RGS12: variants seen among roughly 807,000 people sequenced by gnomAD.
RGS12 encodes the protein regulator of G protein signaling 12.
RGS12 carries 66 observed loss-of-function variants against 120.1 expected under a neutral mutation model. That is an observed-to-expected ratio of 0.55 (90% CI 0.45 to 0.67). The LOEUF is 0.67. Ranked by LOEUF, RGS12 falls within the 30% of genes least tolerant of loss-of-function variation. The probability of loss-of-function intolerance (pLI) is 0.00; values close to 1 mark genes in which losing one functional copy is unlikely to be tolerated. For synonymous variants in RGS12, 827 were observed against 804.7 expected, an observed-to-expected ratio of 1.03 and a Z score of -0.47; for missense variants, 1,859 against 1,957.7, an observed-to-expected ratio of 0.95 and a Z score of 0.95.
chr4:3,349,673 T>C (rs74528761), intron 3 of RGS12, among the ~76,000 whole-genome samples: 1,982 of 152,308 alleles, frequency 0.013, 9 homozygotes, highest in Non-Finnish European at 0.019. Context: ...TTAGTAACTG[T>C]AATTTTTAGT....
intron 2 of RGS12, among the ~76,000 whole-genome samples, chr4:3,337,375 C>G (rs1287717150): frequency 2.0e-5 from 3 of 152,154 alleles, no homozygotes; most frequent in Non-Finnish European, 4.4e-5. Flanking sequence ...CGTATATACC[C>G]AAAGAATTGA....
In RGS12 at chr4:3,433,506, G is replaced by A. The variant is rs966283669; in HGVS notation, c.4114+2551G>A. On this transcript the variant is annotated intron_variant, in intron 17 of 17. Transcript: ENST00000336727. The surrounding 1 kb of genome is among the most constrained non-coding windows in gnomAD (Gnocchi z 4.4). Reference sequence around the variant, plus strand: ...CACCCCATCCTAGCCCCAGCACCACGTGCCATGCCACCCTGTCCTAGCCCC... The same window carrying A: ...CACCCCATCCTAGCCCCAGCACCACATGCCATGCCACCCTGTCCTAGCCCC... Among the ~76,000 whole-genome samples the A allele has an allele frequency of 2.0e-5, 3 of 150,674 alleles. No homozygotes were observed. Among genetic ancestry groups the A allele is most frequent in the East Asian group, 2.0e-4 (1 of 5,086 alleles).
chr4:3,413,928 G>T, intron 4 of RGS12, 144 bp from the exon 5 acceptor site: 1 of 761,660 alleles, frequency 1.3e-6, no homozygotes, highest in Non-Finnish European at 2.1e-6. Flanking sequence ...GGTGGTAGGT[G>T]TGCTGTGCAT....
At chr4:3,417,628 T>A (rs1327843659) in intron 9 of RGS12, 87 bp downstream of exon 9, 2 of 1,457,772 alleles carry the variant, frequency 1.4e-6, no homozygotes, top group African/African-American at 1.4e-5. Context: ...GGCGGTGACC[T>A]TGGGCCATGT....
chr4:3,352,120 C>G (rs1298613217), intron 3 of RGS12, among the ~76,000 whole-genome samples: 1 of 152,100 alleles, frequency 6.6e-6, no homozygotes. Context: ...TGTGCAGAAC[C>G]AGACAGAATA....
At chr4:3,291,345 G>A (rs1001457981), upstream of RGS12, among the ~76,000 whole-genome samples, 1 of 114,122 alleles carries the variant, frequency 8.8e-6, no homozygotes, top group South Asian at 3.1e-4. Flanking sequence ...TTCTTTCCTG[G>A]CTCTTTTTTT....
rs1723132563 is a variant in RGS12 at position 3,293,059 on chromosome 4, C to T, written c.-142C>T. The T allele has an allele frequency of 6.8e-6, 1 of 147,058 alleles. No individual in the cohort carries two copies. The allele number at this position is 147,058 out of a possible 1,614,324, so 9.1% of individuals were successfully genotyped here. A position where few individuals can be genotyped will look rare whatever the true frequency, so the allele number is the denominator to read the frequency against. ...ACCGTTGCGCGCGCGGGCGGTGGCG[C>T]GGGCCGAAGCGCCCGGAGCGGGAGC... On this transcript the variant is annotated 5_prime_UTR_variant, in exon 1 of 18. Coordinates refer to ENST00000336727, the MANE Select transcript of RGS12 (RefSeq NM_001394154.1).
chr4:3,428,316 C>A, intron 15 of RGS12, 147 bp downstream of exon 15: 1 of 859,348 alleles, frequency 1.2e-6, no homozygotes, highest in Non-Finnish European at 2.0e-6. Context: ...CTCGTCCCTG[C>A]CGATGCCCAG....
At position 3,366,846 on chromosome 4, in the gene RGS12, G is replaced by A. The variant is rs10026577; in HGVS notation, c.1999-19570G>A. Among the ~76,000 whole-genome samples the A allele has an allele frequency of 0.4, 60,141 of 152,000 alleles. 12,799 individuals carry two copies. Among genetic ancestry groups the A allele is most frequent in the African/African-American group, 0.58 (23,969 of 41,458 alleles). On this transcript the variant is annotated intron_variant, in intron 3 of 17. Coordinates refer to ENST00000336727, the MANE Select transcript of RGS12 (RefSeq NM_001394154.1). This position sits in a 1 kb window ranked among gnomAD's most constrained non-coding sequence, Gnocchi z 4.0. Reference sequence around the variant, plus strand: ...AGGAGGAGCTCTTTGGCAGGTCCTGGAGACCCTGGGTCACCCACAGGCCCC... The same window carrying A: ...AGGAGGAGCTCTTTGGCAGGTCCTGAAGACCCTGGGTCACCCACAGGCCCC...
intron 2 of RGS12, among the ~76,000 whole-genome samples, chr4:3,337,912 G>T (rs1712648903): frequency 6.6e-6 from 1 of 152,232 alleles, no homozygotes; most frequent in African/African-American, 2.4e-5. Flanking sequence ...TACAGCAGGA[G>T]CTGGGTGTTG....
chr4:3,356,227 G>T (rs1055629458), intron 3 of RGS12, among the ~76,000 whole-genome samples: 4 of 151,718 alleles, frequency 2.6e-5, no homozygotes, highest in Non-Finnish European at 4.4e-5. Context: ...GATAATTTTT[G>T]TATTTTTTGT....
At chr4:3,438,807 G>A (rs1016261370) in intron 17 of RGS12, among the ~76,000 whole-genome samples, 1 of 152,122 alleles carries the variant, frequency 6.6e-6, no homozygotes, top group Non-Finnish European at 1.5e-5. Flanking sequence ...AGTGGGGCAA[G>A]AGTCACTGAC....
At chr4:3,344,042 T>C (rs951225650) in intron 3 of RGS12, among the ~76,000 whole-genome samples, 6 of 152,200 alleles carry the variant, frequency 3.9e-5, no homozygotes, top group Non-Finnish European at 8.8e-5. Flanking sequence ...TTCTTGTACA[T>C]GTCTCCTTCA....
At chr4:3,318,834 G>C (rs1364041134) in intron 2 of RGS12, among the ~76,000 whole-genome samples, 1 of 152,266 alleles carries the variant, frequency 6.6e-6, no homozygotes, top group Non-Finnish European at 1.5e-5. Context: ...CCTCCAGCCA[G>C]AGGCGGCGCT....
intron 3 of RGS12, among the ~76,000 whole-genome samples, chr4:3,367,752 A>C (rs1020532615): frequency 6.6e-6 from 1 of 152,110 alleles, no homozygotes; most frequent in Non-Finnish European, 1.5e-5. Context: ...CTGGCTAGGC[A>C]GGGGAGGTCA....
chr4:3,395,124 T>C (rs1577042372), intron 4 of RGS12, among the ~76,000 whole-genome samples: 1 of 149,354 alleles, frequency 6.7e-6, no homozygotes, highest in Non-Finnish European at 1.5e-5. Flanking sequence ...ACCTGGGAGG[T>C]GAAGGTTATA....
chr4:3,336,693 G>A (rs1305820456), intron 2 of RGS12, among the ~76,000 whole-genome samples: 1 of 152,076 alleles, frequency 6.6e-6, no homozygotes. Context: ...AGCAGTGTGG[G>A]TAACGAAAGA....
intron 3 of RGS12, among the ~76,000 whole-genome samples, chr4:3,357,531 G>A (rs1560109550): frequency 6.6e-6 from 1 of 152,078 alleles, no homozygotes; most frequent in Non-Finnish European, 1.5e-5. Flanking sequence ...CCATTTTGAA[G>A]TAATTTTTGT....
chr4:3,324,920 C>T (rs753856689), intron 2 of RGS12, among the ~76,000 whole-genome samples: 1 of 152,290 alleles, frequency 6.6e-6, no homozygotes, highest in East Asian at 1.9e-4. Flanking sequence ...AAATATTTCT[C>T]TTATTGTCTA....
Sources: gnomAD v4.1 joint callset for allele counts (sites outside exome capture counted in the v4.1 genomes callset) on GRCh38, gnomAD v4.1.1 for gene constraint, Gnocchi (gnomAD v3.1) non-coding constraint, MANE v1.5 for transcripts, NCBI Gene and HGNC (gene_info 2026-07-23, HGNC 2026-07-21) for gene names.